Variants in FARP1 observed in about 807,000 individuals in gnomAD.
FARP1 encodes FERM, ARH/RhoGEF and pleckstrin domain protein 1, also known as FERM, ARHGEF and pleckstrin domain-containing protein 1.
FARP1 carries 52 observed loss-of-function variants against 128.8 expected under a neutral mutation model. That is an observed-to-expected ratio of 0.40 (90% CI 0.32 to 0.51). FARP1 has a LOEUF of 0.51. Among genes scored for constraint, FARP1 ranks in the 20% least tolerant of loss-of-function variants. The probability of loss-of-function intolerance (pLI) is 0.45; values close to 1 mark genes in which losing one functional copy is unlikely to be tolerated. For missense variants in FARP1, 1,333 were observed against 1,367.9 expected, an observed-to-expected ratio of 0.97 and a Z score of 0.40; for synonymous variants, 580 against 551.8, an observed-to-expected ratio of 1.05 and a Z score of -0.72.
chr13:98,256,904 A>G (rs1883616372), intron 2 of FARP1, among the ~76,000 whole-genome samples: 1 of 143,976 alleles, frequency 6.9e-6, no homozygotes, highest in Non-Finnish European at 1.5e-5. Flanking sequence ...ACAATAATAA[A>G]AAGAATGATA....
chr13:98,179,324 T>A (rs1194746634), intron 1 of FARP1, among the ~76,000 whole-genome samples: 1 of 152,208 alleles, frequency 6.6e-6, no homozygotes, highest in Non-Finnish European at 1.5e-5. Context: ...CCCCCATGAT[T>A]CAGTTATCTC....
intron 3 of FARP1, among the ~76,000 whole-genome samples, chr13:98,358,579 T>C (rs1279419270): frequency 6.6e-6 from 1 of 152,154 alleles, no homozygotes; most frequent in East Asian, 1.9e-4. Context: ...AGTCAAATAA[T>C]TTTTAAAATT....
Position 98,199,798 on chromosome 13 carries a change from A to G in FARP1, c.-23-13422A>G, listed in dbSNP as rs141629218. Among the ~76,000 whole-genome samples, 308 of 152,306 alleles carry G rather than the reference A, an allele frequency of 2.0e-3. 1 individual carries two copies. Among genetic ancestry groups the G allele is most frequent in the African/African-American group, 6.9e-3 (288 of 41,562 alleles). On this transcript the variant is annotated intron_variant, in intron 1 of 26. Coordinates refer to ENST00000319562, the MANE Select transcript of FARP1 (RefSeq NM_005766.4). ...TCAGAGGGGCTGGAAGCTGGTGGCT[A>G]TCTTCCTTACATTTAATTCACCCTG...
At chr13:98,318,684 T>C (rs969748453) in intron 2 of FARP1, among the ~76,000 whole-genome samples, 4 of 152,194 alleles carry the variant, frequency 2.6e-5, no homozygotes, top group African/African-American at 9.6e-5. Context: ...GAGGGAGAGC[T>C]GGTTGCCCAG....
intron 19 of FARP1, 22 bp downstream of exon 19, chr13:98,435,728 ATGC>A (rs1892235446): frequency 6.2e-7 from 1 of 1,612,354 alleles, no homozygotes; most frequent in East Asian, 2.2e-5. Context: ...TGGCCTCACT[ATGC>A]ACTGCGCGGG....
chr13:98,173,967 C>T (rs567315542), intron 1 of FARP1, among the ~76,000 whole-genome samples: 1 of 152,178 alleles, frequency 6.6e-6, no homozygotes. Context: ...GACCTTAGAG[C>T]GTGGTGATGG....
Position 98,395,457 on chromosome 13 carries a change from GC to G in FARP1, c.1400del (p.Pro467ArgfsTer8). ...KDRTQQSKPQ[P>X]PQPSTGSLTG... is the part of the protein sequence containing the mutation. ...ATAGGACCCAGCAGAGTAAACCTCA[GC>G]CCCCGCAGCCAAGCACAGGTCCAGC... On this transcript the variant is annotated frameshift_variant, in exon 13 of 27. Coordinates refer to ENST00000319562, the MANE Select transcript of FARP1 (RefSeq NM_005766.4). LOFTEE classifies it high-confidence loss of function. 2 of 1,590,010 alleles carry G rather than the reference GC, an allele frequency of 1.3e-6. No individual in the cohort carries two copies. Among genetic ancestry groups the G allele is most frequent in the South Asian group, 1.1e-5 (1 of 89,876 alleles).
At chr13:98,443,554 T>C (rs1484468133) in intron 24 of FARP1, among the ~76,000 whole-genome samples, 1 of 152,142 alleles carries the variant, frequency 6.6e-6, no homozygotes, top group Non-Finnish European at 1.5e-5. Flanking sequence ...GCCCAGCCTC[T>C]CCCAGTTCCC....
intron 2 of FARP1, among the ~76,000 whole-genome samples, chr13:98,271,132 A>G: frequency 6.6e-6 from 1 of 152,242 alleles, no homozygotes; most frequent in Admixed American, 6.5e-5. Flanking sequence ...AGGAAATGAA[A>G]GAACTGTTTC....
At chr13:98,438,931 C>T (rs976776975) in intron 20 of FARP1, 59 bp downstream of exon 20, 1 of 1,581,686 alleles carries the variant, frequency 6.3e-7, no homozygotes, top group African/African-American at 1.3e-5. Flanking sequence ...AAGCAAGGCT[C>T]CCAAGGCCGG....
At chr13:98,405,285 AAG>A (rs1238579439) in intron 13 of FARP1, 3 of 152,220 alleles carry the variant, frequency 2.0e-5, no homozygotes, top group Non-Finnish European at 4.4e-5. Context: ...TTAAATTACA[AAG>A]AGAGAGCAGC....
chr13:98,322,933 G>T (rs1887064518), intron 2 of FARP1, among the ~76,000 whole-genome samples: 1 of 152,148 alleles, frequency 6.6e-6, no homozygotes, highest in Non-Finnish European at 1.5e-5. Context: ...TCATGGGAGA[G>T]GGAGGAAAAT....
chr13:98,144,202 C>CTGTGTGTG (rs368648027), intron 1 of FARP1, among the ~76,000 whole-genome samples: 52 of 146,328 alleles, frequency 3.6e-4, no homozygotes, highest in Admixed American at 5.3e-4. Flanking sequence ...CCCGGAGACT[C>CTGTGTGTG]TGTGTGTGTG....
chr13:98,350,765 G>T (rs1221013064), intron 3 of FARP1, among the ~76,000 whole-genome samples: 2 of 151,896 alleles, frequency 1.3e-5, no homozygotes, highest in African/African-American at 4.8e-5. Flanking sequence ...CCCCTCCCCG[G>T]GCTAGCCAAT....
At chr13:98,436,470 G>A (rs191648433) in intron 19 of FARP1, among the ~76,000 whole-genome samples, 40 of 152,300 alleles carry the variant, frequency 2.6e-4, no homozygotes, top group African/African-American at 8.7e-4. Context: ...CAAATGCTAC[G>A]TCACCCAGGT....
chr13:98,387,448 C>G (rs60009162), intron 8 of FARP1, among the ~76,000 whole-genome samples: 5 of 152,188 alleles, frequency 3.3e-5, no homozygotes, highest in African/African-American at 1.2e-4. Context: ...GACACAATCC[C>G]TAAGTATTGG....
intron 1 of FARP1, among the ~76,000 whole-genome samples, chr13:98,198,445 C>G (rs1397248542): frequency 1.3e-5 from 2 of 152,148 alleles, no homozygotes; most frequent in Non-Finnish European, 2.9e-5. Context: ...CTACAAAATT[C>G]ATGGAGGCCA....
chr13:98,227,364 A>G (rs1005939130), intron 2 of FARP1, among the ~76,000 whole-genome samples: 1 of 152,084 alleles, frequency 6.6e-6, no homozygotes, highest in African/African-American at 2.4e-5. Context: ...TCCAGAAGCT[A>G]TGTTGGGGAA....
intron 3 of FARP1, among the ~76,000 whole-genome samples, chr13:98,364,426 G>A (rs539582683): frequency 1.3e-5 from 2 of 152,280 alleles, no homozygotes; most frequent in African/African-American, 4.8e-5. Flanking sequence ...TGCATTTCTA[G>A]TGCAGATTAC....
Sources: gnomAD v4.1 joint callset for allele counts (sites outside exome capture counted in the v4.1 genomes callset) on GRCh38, gnomAD v4.1.1 for gene constraint, MANE v1.5 for transcripts, NCBI Gene and HGNC (gene_info 2026-07-23, HGNC 2026-07-21) for gene names.